Variants in CPT1A observed in about 807,000 individuals in gnomAD.
The protein encoded by CPT1A is carnitine palmitoyltransferase 1A.
Under a neutral mutation model 100.8 loss-of-function variants are expected in CPT1A, and 64 were observed. The observed-to-expected ratio is 0.63, with a 90% confidence interval of 0.52 to 0.78. The LOEUF (loss-of-function observed/expected upper bound fraction) is 0.78. CPT1A is among the 30% of genes least tolerant of loss of function. The pLI, the probability that CPT1A is intolerant of heterozygous loss-of-function variation, is 0.00. For synonymous variants in CPT1A, 363 were observed against 396.0 expected, an observed-to-expected ratio of 0.92 and a Z score of 0.99; for missense variants, 802 against 1,034.1, an observed-to-expected ratio of 0.78 and a Z score of 3.08.
chr11:68,807,781 C>A, intron 3 of CPT1A, 143 bp from the exon 4 acceptor site: 1 of 754,596 alleles, frequency 1.3e-6, no homozygotes, highest in Non-Finnish European at 2.3e-6. Context: ...AGGGAGAGCA[C>A]TTGCAGGAAC....
intron 2 of CPT1A, among the ~76,000 whole-genome samples, chr11:68,813,674 G>A (rs1267572047): frequency 1.4e-5 from 2 of 144,830 alleles, no homozygotes. Flanking sequence ...TCCACCCTGA[G>A]CAACAGAGCA....
chr11:68,797,781 C>G (rs1855792171), intron 6 of CPT1A, among the ~76,000 whole-genome samples: 2 of 152,168 alleles, frequency 1.3e-5, no homozygotes, highest in South Asian at 4.1e-4. Flanking sequence ...AGTTCCGGAC[C>G]TGCCTGGCCA....
intron 10 of CPT1A, among the ~76,000 whole-genome samples, chr11:68,783,994 T>G (rs1188700299): frequency 6.6e-6 from 1 of 152,174 alleles, no homozygotes; most frequent in Non-Finnish European, 1.5e-5. Flanking sequence ...CTTAGCCTCC[T>G]GAATAGCTTG....
rs115546643 is a variant in CPT1A at position 68,831,284 on chromosome 11, C to G, written c.-14+10491G>C. 6.5e-3 allele frequency among the ~76,000 whole-genome samples: 987 copies of G among 152,314 alleles called. 8 individuals are homozygous for G. Among genetic ancestry groups the G allele is most frequent in the African/African-American group, 0.022 (935 of 41,562 alleles). On this transcript the variant is annotated intron_variant, in intron 1 of 18. Coordinates refer to ENST00000265641, the MANE Select transcript of CPT1A (RefSeq NM_001876.4). ...GCAAACCTCCCCACTCCTGCACCCC[C>G]AGTCCTGCAGAGCTGAGACAGGCAG...
intron 12 of CPT1A, 61 bp downstream of exon 12, chr11:68,780,579 T>C: frequency 6.8e-7 from 1 of 1,469,218 alleles, no homozygotes; most frequent in South Asian, 1.1e-5. Flanking sequence ...CCACTGCGCC[T>C]GGCCAGGTTT....
intron 14 of CPT1A, among the ~76,000 whole-genome samples, chr11:68,765,818 T>C (rs1266633190): frequency 3.3e-5 from 5 of 151,322 alleles, no homozygotes; most frequent in Admixed American, 3.3e-4. Context: ...GTCAGGCCAC[T>C]GAATAGAAAT....
intron 1 of CPT1A, among the ~76,000 whole-genome samples, chr11:68,818,139 T>C (rs1856484042): frequency 6.6e-6 from 1 of 152,114 alleles, no homozygotes; most frequent in Non-Finnish European, 1.5e-5. Context: ...GGAAGGTGCA[T>C]GGGCCTGGCC....
At chr11:68,840,231 A>G (rs1470395052) in intron 1 of CPT1A, among the ~76,000 whole-genome samples, 1 of 152,152 alleles carries the variant, frequency 6.6e-6, no homozygotes, top group Non-Finnish European at 1.5e-5. Context: ...AGCGACACTT[A>G]TGTCCTCAAT....
chr11:68,817,018 G>GGT (rs562994366), intron 1 of CPT1A, among the ~76,000 whole-genome samples: 2 of 104,376 alleles, frequency 1.9e-5, no homozygotes, highest in African/African-American at 4.6e-5. Context: ...GTGGGGGGTG[G>GGT]GTGTGTGTGT....
intron 15 of CPT1A, among the ~76,000 whole-genome samples, chr11:68,762,084 T>C (rs1378256628): frequency 6.6e-6 from 1 of 152,194 alleles, no homozygotes; most frequent in East Asian, 1.9e-4. Flanking sequence ...GTGAGCAGAA[T>C]GGCCCAGCAG....
intron 1 of CPT1A, among the ~76,000 whole-genome samples, chr11:68,829,579 G>A (rs1856828241): frequency 6.6e-6 from 1 of 152,164 alleles, no homozygotes; most frequent in African/African-American, 2.4e-5. Context: ...AGAAAATACA[G>A]AAAAATACAG....
intron 1 of CPT1A, among the ~76,000 whole-genome samples, chr11:68,828,907 C>A (rs1349153261): frequency 6.6e-6 from 1 of 152,118 alleles, no homozygotes; most frequent in Non-Finnish European, 1.5e-5. Flanking sequence ...CTGCCTTGGG[C>A]CCCTCTGGCT....
intron 12 of CPT1A, among the ~76,000 whole-genome samples, chr11:68,778,020 G>A (rs758519118): frequency 1.3e-5 from 2 of 152,076 alleles, no homozygotes; most frequent in Non-Finnish European, 2.9e-5. Flanking sequence ...TTTAATATTG[G>A]CTGCTTTTTA....
chr11:68,817,177 T>G (rs528053316), intron 1 of CPT1A, among the ~76,000 whole-genome samples: 1 of 149,598 alleles, frequency 6.7e-6, no homozygotes, highest in African/African-American at 2.5e-5. Context: ...GTGGTGTGTG[T>G]GTGTGGGTGT....
chr11:68,835,379 C>T (rs193241908), intron 1 of CPT1A, among the ~76,000 whole-genome samples: 3 of 152,330 alleles, frequency 2.0e-5, no homozygotes, highest in East Asian at 1.9e-4. Context: ...GGAGCGGTGT[C>T]CCCTGTATCT....
At chr11:68,754,840 A>T (rs774348597), downstream of CPT1A, 3 of 780,934 alleles carry the variant, frequency 3.8e-6, no homozygotes, top group Non-Finnish European at 7.2e-6. Flanking sequence ...TTGGTCCTTG[A>T]CTTATAATCC....
At chr11:68,804,501 T>C (rs1594354144) in intron 4 of CPT1A, among the ~76,000 whole-genome samples, 1 of 151,976 alleles carries the variant, frequency 6.6e-6, no homozygotes, top group Non-Finnish European at 1.5e-5. Context: ...GGTGAAAGGA[T>C]TGATTGAGCC....
rs191658523 is a variant in CPT1A, at chr11:68,792,554, C to T, written c.967+761G>A. Reference sequence around the variant, plus strand: ...CTGGGCCTGGCCTGGATGTTCCCCACGGTGCCTGTTCTCCCTCCCTGTCAT... The same window carrying T: ...CTGGGCCTGGCCTGGATGTTCCCCATGGTGCCTGTTCTCCCTCCCTGTCAT... On this transcript the variant is annotated intron_variant, in intron 9 of 18. Transcript: ENST00000265641. Among the ~76,000 whole-genome samples the T allele has an allele frequency of 2.0e-4, 31 of 152,310 alleles. No individual in the cohort carries two copies. In the East Asian group the frequency reaches 5.0e-3, roughly 25 times the overall value.
In CPT1A at chr11:68,815,213, T is replaced by C. The variant is rs1384138012; in HGVS notation, c.141+121A>G. On this transcript the variant is annotated intron_variant, in intron 2 of 18. Transcript: ENST00000265641. ...CGGTGTCCCCAAGCCTTAAGTACCA[T>C]GGAAACAGGTAAGTGATATGCAGTC... The C allele has an allele frequency of 2.0e-6, 2 of 1,009,428 alleles. 1 individual carries two copies. The highest frequency in any genetic ancestry group is 2.6e-5 in the South Asian group (2 of 75,732). 62.5% of individuals were successfully genotyped at this position (1,009,428 alleles called of 1,614,324 possible). A position where few individuals can be genotyped will look rare whatever the true frequency, so the allele number is the denominator to read the frequency against.
Sources: gnomAD v4.1 joint callset for allele counts (sites outside exome capture counted in the v4.1 genomes callset) on GRCh38, gnomAD v4.1.1 for gene constraint, MANE v1.5 for transcripts, NCBI Gene and HGNC (gene_info 2026-07-23, HGNC 2026-07-21) for gene names.